Variants in FARS2 observed in about 807,000 individuals in gnomAD.
FARS2 encodes phenylalanyl-tRNA synthetase 2, mitochondrial.
FARS2 carries 40 observed loss-of-function variants against 46.4 expected under a neutral mutation model. The ratio of observed to expected loss-of-function variants is 0.86; its 90% CI spans 0.67 to 1.12. The LOEUF (loss-of-function observed/expected upper bound fraction) is 1.12. Ranked by LOEUF, FARS2 falls within the 50% of genes most tolerant of loss-of-function variation. The pLI, the probability that FARS2 is intolerant of heterozygous loss-of-function variation, is 0.00. For synonymous variants in FARS2, 234 were observed against 214.9 expected (o/e 1.09, Z -0.78); for missense variants, 513 against 567.9 (o/e 0.90, Z 0.98).
intron 6 of FARS2, among the ~76,000 whole-genome samples, chr6:5,754,313 T>G (rs1018982544): frequency 1.3e-5 from 2 of 152,170 alleles, no homozygotes; most frequent in African/African-American, 4.8e-5. Context: ...CAGGGAGTAG[T>G]CGGATCTCTG....
chr6:5,570,395 A>T (rs535672163), intron 5 of FARS2, among the ~76,000 whole-genome samples: 2 of 152,338 alleles, frequency 1.3e-5, no homozygotes, highest in South Asian at 2.1e-4. Context: ...GTGCAGTGAT[A>T]AAAACCACAA....
chr6:5,508,498 G>A (rs1768233524), intron 4 of FARS2, among the ~76,000 whole-genome samples: 1 of 145,472 alleles, frequency 6.9e-6, no homozygotes. Context: ...CTGTGAATTA[G>A]CAGGAGATCT....
rs1765824133 is a variant in FARS2 at position 5,471,868 on chromosome 6, G to A, written c.904+40696G>A. On this transcript the variant is annotated intron_variant, in intron 4 of 6. Coordinates refer to ENST00000274680, the MANE Select transcript of FARS2 (RefSeq NM_006567.5). This position sits in a 1 kb window ranked among gnomAD's most constrained non-coding sequence, Gnocchi z 4.1. The stretch of plus-strand genomic sequence containing the variant: ...CAGTGTGGTGCAGCAGATGCGTACT[G>A]GTGGTTGCCATGGAGATCGCTAATA... Among the ~76,000 whole-genome samples, 1 of 152,202 alleles carries A rather than the reference G, an allele frequency of 6.6e-6. No homozygotes were observed. Among genetic ancestry groups the A allele is most frequent in the African/African-American group, 2.4e-5 (1 of 41,444 alleles).
chr6:5,569,115 C>T (rs774127465), intron 5 of FARS2, among the ~76,000 whole-genome samples: 1 of 151,102 alleles, frequency 6.6e-6, no homozygotes, highest in Non-Finnish European at 1.5e-5. Context: ...TAAACATGAG[C>T]CAGAAAGAAA....
intron 6 of FARS2, among the ~76,000 whole-genome samples, chr6:5,653,551 A>G (rs2150765193): frequency 6.6e-6 from 1 of 152,322 alleles, no homozygotes; most frequent in Non-Finnish European, 1.5e-5. Flanking sequence ...CTAAGTGACC[A>G]CAATACAAGT....
At chr6:5,636,243 G>A (rs1258941063) in intron 6 of FARS2, among the ~76,000 whole-genome samples, 2 of 152,230 alleles carry the variant, frequency 1.3e-5, no homozygotes, top group African/African-American at 2.4e-5. Flanking sequence ...TCGCTGTGAA[G>A]TTCCCTCTAT....
chr6:5,561,071 C>A (rs886324789), intron 5 of FARS2, among the ~76,000 whole-genome samples: 1 of 152,124 alleles, frequency 6.6e-6, no homozygotes, highest in Non-Finnish European at 1.5e-5. Context: ...GTAGAAGTTG[C>A]AGTGAGCCGA....
chr6:5,292,357 T>C (rs1767564519), intron 1 of FARS2, among the ~76,000 whole-genome samples: 1 of 152,220 alleles, frequency 6.6e-6, no homozygotes, highest in African/African-American at 2.4e-5. Context: ...GTGTGTGAAT[T>C]GGTGGCAGAG....
Position 5,640,637 on chromosome 6 carries a change from A to G in FARS2, c.1217+27317A>G, listed in dbSNP as rs149693405. 3.9e-5 allele frequency among the ~76,000 whole-genome samples: 6 copies of G among 152,348 alleles called. No individual in the cohort carries two copies. The South Asian group carries it at 1.0e-3, about 26-fold the overall frequency. ...CACTGCCCTTTTGAGCTAATTAATC[A>G]TCTCTCGAAGCCGCCTGCTATGCGG... On this transcript the variant is annotated intron_variant, in intron 6 of 6. Transcript: ENST00000274680.
chr6:5,624,326 G>T (rs918985860), intron 6 of FARS2, among the ~76,000 whole-genome samples: 28 of 152,104 alleles, frequency 1.8e-4, no homozygotes, highest in African/African-American at 6.3e-4. Flanking sequence ...ATCACAGTTT[G>T]TTCAGTCCCC....
intron 3 of FARS2, among the ~76,000 whole-genome samples, chr6:5,420,724 A>G (rs965897350): frequency 6.6e-6 from 1 of 152,126 alleles, no homozygotes; most frequent in Non-Finnish European, 1.5e-5. Context: ...AGCTGCTTCC[A>G]TAGGCTGGTG....
chr6:5,425,279 A>G (rs555402262), intron 3 of FARS2, among the ~76,000 whole-genome samples: 24 of 152,314 alleles, frequency 1.6e-4, no homozygotes, highest in African/African-American at 5.8e-4. Context: ...AGATTCTACC[A>G]TCTGTGGAAG....
At chr6:5,361,479 T>A (rs555597358) in intron 1 of FARS2, among the ~76,000 whole-genome samples, 1 of 152,368 alleles carries the variant, frequency 6.6e-6, no homozygotes, top group South Asian at 2.1e-4. Flanking sequence ...CTCTTGATAG[T>A]GCTGAATTGC....
At chr6:5,355,368 CTTTTTGT>C (rs1450881373) in intron 1 of FARS2, among the ~76,000 whole-genome samples, 76 of 142,472 alleles carry the variant, frequency 5.3e-4, no homozygotes, top group Admixed American at 1.2e-3. Flanking sequence ...TTAGGTTTTC[CTTTTTGT>C]TTTTTTTTTT....
At chr6:5,703,138 G>A (rs1337572758) in intron 6 of FARS2, among the ~76,000 whole-genome samples, 1 of 152,210 alleles carries the variant, frequency 6.6e-6, no homozygotes, top group Non-Finnish European at 1.5e-5. Context: ...AGCAAATATA[G>A]CTGCCAAGCC....
intron 6 of FARS2, among the ~76,000 whole-genome samples, chr6:5,707,194 T>A (rs1758813737): frequency 6.6e-6 from 1 of 152,158 alleles, no homozygotes. Context: ...CTGTCTGGAG[T>A]TAGCAGCATG....
chr6:5,690,747 C>T (rs889028472), intron 6 of FARS2, among the ~76,000 whole-genome samples: 5 of 152,212 alleles, frequency 3.3e-5, no homozygotes, highest in Non-Finnish European at 5.9e-5. Context: ...GTTGGCCTCC[C>T]TTGCTAGATT....
At chr6:5,621,699 T>C (rs1042983019) in intron 6 of FARS2, among the ~76,000 whole-genome samples, 6 of 152,242 alleles carry the variant, frequency 3.9e-5, no homozygotes, top group African/African-American at 1.4e-4. Context: ...TTAATGTGTG[T>C]GAACTACCTG....
chr6:5,505,174 G>A (rs539923608), intron 4 of FARS2, among the ~76,000 whole-genome samples: 162 of 152,274 alleles, frequency 1.1e-3, no homozygotes, highest in African/African-American at 3.6e-3. Flanking sequence ...TTTATTAATA[G>A]CTTTTGTGAA....
Sources: allele counts gnomAD v4.1 joint callset (sites outside exome capture counted in the v4.1 genomes callset), GRCh38; gene constraint gnomAD v4.1.1; non-coding constraint Gnocchi (gnomAD v3.1); transcripts MANE v1.5; gene names NCBI Gene and HGNC (gene_info 2026-07-23, HGNC 2026-07-21).